ZNF892: variants seen among roughly 807,000 people sequenced by gnomAD.
The protein encoded by ZNF892 is zinc finger protein 570-like.
the ZNF892 span, among the ~76,000 whole-genome samples, chr2:95,253,668 C>CT: frequency 2.0e-5 from 3 of 152,168 alleles, no homozygotes; most frequent in African/African-American, 7.2e-5. Context: ...TATAAATTAC[C>CT]TTGGGCAGTA....
chr2:95,248,397 C>G, the ZNF892 span, among the ~76,000 whole-genome samples: 1 of 152,156 alleles, frequency 6.6e-6, no homozygotes, highest in African/African-American at 2.4e-5. Flanking sequence ...GCACTATGCT[C>G]AGCACCTTGG....
At chr2:95,240,623 A>G in the ZNF892 span, among the ~76,000 whole-genome samples, 1 of 152,236 alleles carries the variant, frequency 6.6e-6, no homozygotes, top group African/African-American at 2.4e-5. Flanking sequence ...ACATACCTCT[A>G]GAAAGGGTGC....
At chr2:95,256,296 G>T in the ZNF892 span, among the ~76,000 whole-genome samples, 6 of 152,148 alleles carry the variant, frequency 3.9e-5, no homozygotes, top group Admixed American at 3.9e-4. Context: ...GCATTTGCTT[G>T]TCTGTAAAGG....
chr2:95,252,528 T>G, the ZNF892 span, among the ~76,000 whole-genome samples: 1 of 152,204 alleles, frequency 6.6e-6, no homozygotes, highest in Non-Finnish European at 1.5e-5. Context: ...CTATTGTGAA[T>G]AGTGCCACAA....
chr2:95,224,985 C>T, the ZNF892 span, among the ~76,000 whole-genome samples: 1 of 152,138 alleles, frequency 6.6e-6, no homozygotes, highest in Non-Finnish European at 1.5e-5. Flanking sequence ...ATACTAGCTC[C>T]TTGATTTTGG....
the ZNF892 span, among the ~76,000 whole-genome samples, chr2:95,250,999 A>G: frequency 6.7e-6 from 1 of 149,276 alleles, no homozygotes; most frequent in Non-Finnish European, 1.5e-5. Flanking sequence ...TTATATAAAT[A>G]TTACATAAAT....
the ZNF892 span, among the ~76,000 whole-genome samples, chr2:95,243,808 C>T: frequency 1.3e-5 from 2 of 151,712 alleles, no homozygotes; most frequent in African/African-American, 2.4e-5. Flanking sequence ...AGTGAGGAGC[C>T]CCTCTGCCCG....
the ZNF892 span, among the ~76,000 whole-genome samples, chr2:95,221,385 T>C: frequency 1.3e-5 from 2 of 152,224 alleles, no homozygotes; most frequent in Non-Finnish European, 2.9e-5. Flanking sequence ...AATCTATTAA[T>C]GTGGTAAAGT....
chr2:95,225,034 A>G, the ZNF892 span, among the ~76,000 whole-genome samples: 2 of 152,204 alleles, frequency 1.3e-5, no homozygotes, highest in Admixed American at 6.5e-5. Context: ...ATAAATTTCT[A>G]TTCGCTATAA....
At chr2:95,238,260 G>T in the ZNF892 span, among the ~76,000 whole-genome samples, 5 of 152,194 alleles carry the variant, frequency 3.3e-5, no homozygotes, top group Non-Finnish European at 5.9e-5. Context: ...ATTGAAGCCA[G>T]TGCTCATTTG....
At chr2:95,231,870 AC>A in the ZNF892 span, among the ~76,000 whole-genome samples, 1 of 152,056 alleles carries the variant, frequency 6.6e-6, no homozygotes, top group Non-Finnish European at 1.5e-5. Context: ...CTCTCAGGAG[AC>A]CCTGGTGCTC....
At chr2:95,235,816 A>G in the ZNF892 span, among the ~76,000 whole-genome samples, 3 of 152,218 alleles carry the variant, frequency 2.0e-5, no homozygotes, top group Non-Finnish European at 4.4e-5. Flanking sequence ...ATGACTCCAA[A>G]TCAGAAGGGC....
At chr2:95,220,803 G>A in the ZNF892 span, among the ~76,000 whole-genome samples, 1 of 152,288 alleles carries the variant, frequency 6.6e-6, no homozygotes, top group African/African-American at 2.4e-5. Context: ...GGAAACACCA[G>A]TATTTAATTG....
the ZNF892 span, among the ~76,000 whole-genome samples, chr2:95,257,042 T>G: frequency 6.6e-6 from 1 of 152,204 alleles, no homozygotes; most frequent in Admixed American, 6.5e-5. Context: ...CTCAGAGTAG[T>G]TTGATCATCT....
At chr2:95,237,799 C>T in the ZNF892 span, among the ~76,000 whole-genome samples, 1 of 152,204 alleles carries the variant, frequency 6.6e-6, no homozygotes, top group Non-Finnish European at 1.5e-5. Flanking sequence ...AGCAACACAG[C>T]CTTATTGCTG....
the ZNF892 span, among the ~76,000 whole-genome samples, chr2:95,215,965 C>T: frequency 6.6e-6 from 1 of 152,024 alleles, no homozygotes; most frequent in Admixed American, 6.5e-5. Context: ...ATAAGTTATC[C>T]TTTTAGGGAA....
At chr2:95,259,351 T>A in the ZNF892 span, 2 of 152,942 alleles carry the variant, frequency 1.3e-5, no homozygotes, top group African/African-American at 4.8e-5. Flanking sequence ...GTTTGGCGGC[T>A]CTGACAAGAC....
At chr2:95,222,744 G>A in the ZNF892 span, among the ~76,000 whole-genome samples, 1 of 152,036 alleles carries the variant, frequency 6.6e-6, no homozygotes, top group Non-Finnish European at 1.5e-5. Context: ...TTATTTCAGT[G>A]TCTTTTATAA....
the ZNF892 span, among the ~76,000 whole-genome samples, chr2:95,225,336 G>A: frequency 6.6e-6 from 1 of 152,176 alleles, no homozygotes; most frequent in Non-Finnish European, 1.5e-5. Context: ...TATAAGGGTG[G>A]AAAATTTATT....
Sources: gnomAD v4.1 joint callset for allele counts (sites outside exome capture counted in the v4.1 genomes callset) on GRCh38, gnomAD v4.1.1 for gene constraint, MANE v1.5 for transcripts, NCBI Gene and HGNC (gene_info 2026-07-23, HGNC 2026-07-21) for gene names.